The following LRFN3 variants were observed in gnomAD, a reference collection of about 807,000 sequenced individuals.
LRFN3 encodes leucine rich repeat and fibronectin type III domain containing 3.
In LRFN3, 8 loss-of-function variants were observed where a neutral mutation model predicts 23.8. That is an observed-to-expected ratio of 0.34 (90% CI 0.20 to 0.61). LRFN3 has a LOEUF of 0.61. LRFN3 is among the 20% of genes least tolerant of loss of function. The pLI is 0.80. For missense variants in LRFN3, 736 were observed against 935.3 expected (o/e 0.79, Z 2.78); for synonymous variants, 451 against 450.6 (o/e 1.00, Z -0.01).
At chr19:35,943,353 C>T (rs1054670267) in intron 2 of LRFN3, among the ~76,000 whole-genome samples, 2 of 152,146 alleles carry the variant, frequency 1.3e-5, no homozygotes, top group African/African-American at 4.8e-5. Flanking sequence ...AAAAAGAAAG[C>T]AGTAGTGACG....
rs935050195 is a variant in LRFN3, at chr19:35,939,100, C to G, written c.-16-310C>G. 1.9e-4 allele frequency among the ~76,000 whole-genome samples: 29 copies of G among 152,194 alleles called. No individual in the cohort carries two copies. Among genetic ancestry groups the G allele is most frequent in the Admixed American group, 1.9e-3 (29 of 15,272 alleles). On this transcript the variant is annotated intron_variant, in intron 1 of 2. Coordinates refer to ENST00000246529, the MANE Select transcript of LRFN3 (RefSeq NM_024509.2). This position sits in a 1 kb window ranked among gnomAD's most constrained non-coding sequence, Gnocchi z 6.4. ...TCAGTGTCCCATGTAGCTAGGACCA[C>G]AGGTGGGCGCCACCATGCCTAGCTA...
Position 35,939,754 on chromosome 19 carries a change from G to C in LRFN3, c.329G>C (p.Arg110Pro). The C allele has an allele frequency of 6.2e-7, 1 of 1,604,630 alleles. No individual in the cohort carries two copies. The highest frequency in any genetic ancestry group is 8.5e-7 in the Non-Finnish European group (1 of 1,179,276). The change falls in exon 2 of 3, where the codon CGT becomes CCT. Residue 110 changes from arginine (R) to proline (P), a missense_variant. Physicochemically the swap from Arg to Pro is moderately radical, Grantham distance 103 (BLOSUM62 -2). This residue lies in a region of LRFN3 where 446 missense variants were observed against 647.9 expected (regional missense o/e 0.69). Transcript: ENST00000246529. The surrounding 1 kb of genome is among the most constrained non-coding windows in gnomAD (Gnocchi z 6.4). ...AGAFADLRAL[R>P]ALHLDGNRLT... ...GCCTTCGCCGACCTGCGGGCCCTGC[G>C]TGCCCTGCACCTGGATGGCAACCGG...
intron 2 of LRFN3, among the ~76,000 whole-genome samples, chr19:35,943,824 G>A (rs955495263): frequency 4.6e-5 from 7 of 152,132 alleles, no homozygotes; most frequent in African/African-American, 9.7e-5. Context: ...AGGCTAGAGC[G>A]GAGCTGGGCT....
Position 35,940,800 on chromosome 19 carries a change from A to G in LRFN3, c.1375A>G (p.Ile459Val). 1.3e-6 allele frequency: 2 copies of G among 1,599,942 alleles called. No individual in the cohort carries two copies. The highest frequency in any genetic ancestry group is 2.2e-5 in the South Asian group (2 of 90,042). ...RPIPGIRMYQ[I>V]QYNSSADDIL... ...TATCCCGGGCATCCGCATGTACCAG[A>G]TCCAGTACAACAGCTCGGCTGATGA... is the stretch of plus-strand genomic sequence containing the variant. The change falls in exon 2 of 3, where the codon ATC becomes GTC. Residue 459 changes from isoleucine to valine, a missense_variant. Around this residue, in one of 2 missense-constraint regions of LRFN3, gnomAD observed 290 missense variants for 287.4 expected, o/e 1.01. Transcript: ENST00000246529.
At chr19:35,941,510 T>C (rs985622873) in intron 2 of LRFN3, among the ~76,000 whole-genome samples, 14 of 152,062 alleles carry the variant, frequency 9.2e-5, no homozygotes, top group African/African-American at 3.1e-4. Context: ...CGATAGAGAC[T>C]GGGCTTCGGT....
In LRFN3 at chr19:35,939,346, T is replaced by G; in HGVS notation, c.-16-64T>G. 1 of 1,486,368 alleles carries G rather than the reference T, an allele frequency of 6.7e-7. No individual in the cohort carries two copies. The highest frequency in any genetic ancestry group is 9.0e-7 in the Non-Finnish European group (1 of 1,111,638). 92.1% of individuals were successfully genotyped at this position (1,486,368 alleles called of 1,614,324 possible). Reference sequence around the variant, plus strand: ...CCCACTGTGACCTTCTCTCCTGGTCTCAGACCACCCCCAGCCCCTGCAGAA... The same window carrying G: ...CCCACTGTGACCTTCTCTCCTGGTCGCAGACCACCCCCAGCCCCTGCAGAA... On this transcript the variant is annotated intron_variant, in intron 1 of 2. Transcript: ENST00000246529. The surrounding 1 kb of genome is among the most constrained non-coding windows in gnomAD (Gnocchi z 6.4).
In LRFN3 at chr19:35,939,791, G is replaced by A. The variant is rs145720252; in HGVS notation, c.366G>A (p.Leu122=). Residue 122 remains leucine (L), a synonymous_variant, in exon 2 of 3, where the codon CTG becomes CTA. Coordinates refer to ENST00000246529, the MANE Select transcript of LRFN3 (RefSeq NM_024509.2). This position sits in a 1 kb window ranked among gnomAD's most constrained non-coding sequence, Gnocchi z 6.4. Reference sequence around the variant, plus strand: ...TGGATGGCAACCGGCTGACCTCACTGGGCGAGGGCCAGCTGCGCGGCCTGG... The same window carrying A: ...TGGATGGCAACCGGCTGACCTCACTAGGCGAGGGCCAGCTGCGCGGCCTGG... ...LHLDGNRLTS[L]GEGQLRGLVN... 117 of 1,603,996 alleles carry A rather than the reference G, an allele frequency of 7.3e-5. No individual in the cohort carries two copies. The highest frequency in any genetic ancestry group is 9.5e-5 in the Non-Finnish European group (112 of 1,179,734).
rs1234545331 is a variant in LRFN3, at chr19:35,944,618, G to A, written c.1486G>A (p.Val496Met). The A allele has an allele frequency of 1.3e-6, 2 of 1,554,480 alleles. No individual in the cohort carries two copies. The highest frequency in any genetic ancestry group is 1.7e-6 in the Non-Finnish European group (2 of 1,157,616). Reference protein sequence around the residue: ...LASGRTYDLCVLAVYEDSATG... With the variant: ...LASGRTYDLCMLAVYEDSATG... ...GTCAGGCCGGACCTACGATCTGTGCGTGCTCGCCGTGTATGAGGACAGCGC... is the reference window on the plus strand; with the variant it reads ...GTCAGGCCGGACCTACGATCTGTGCATGCTCGCCGTGTATGAGGACAGCGC... Residue 496 changes from valine (V) to methionine (M), a missense_variant, in exon 3 of 3, where the codon GTG (valine) becomes ATG (methionine). By Grantham distance (21) the Val-to-Met change is conservative (BLOSUM62 1). Coordinates refer to ENST00000246529, the MANE Select transcript of LRFN3 (RefSeq NM_024509.2). The surrounding 1 kb of genome is among the most constrained non-coding windows in gnomAD (Gnocchi z 4.5).
At position 35,940,022 on chromosome 19, in the gene LRFN3, T is replaced by C. The variant is rs2145300160; in HGVS notation, c.597T>C (p.Ala199=). The C allele has an allele frequency of 6.2e-7, 1 of 1,612,244 alleles. No individual in the cohort carries two copies. Among genetic ancestry groups the C allele is most frequent in the Non-Finnish European group, 8.5e-7 (1 of 1,179,784 alleles). The change falls in exon 2 of 3, where the codon GCT becomes GCC. Residue 199 remains alanine, a synonymous_variant. Transcript: ENST00000246529. ...TGCTGGCTTCTGTGCCCGCCGGCGC[T>C]TTTTCCCGCCTGCACAAGCTGGCCC... ...HNLLASVPAG[A]FSRLHKLARL... is the part of the protein sequence containing the mutation.
In LRFN3 at chr19:35,943,514, C is replaced by T. The variant is rs543134116; in HGVS notation, c.1416-1034C>T. Among the ~76,000 whole-genome samples the T allele has an allele frequency of 4.6e-5, 7 of 152,162 alleles. No individual in the cohort carries two copies. In the South Asian group the frequency reaches 1.5e-3, roughly 32 times the overall value. On this transcript the variant is annotated intron_variant, in intron 2 of 2. Transcript: ENST00000246529. The stretch of plus-strand genomic sequence containing the variant: ...TCGGGCAACAGGGGTACAGGGAGAT[C>T]AGGTGGTTTGATTGGAGAGAATCCT...
Position 35,944,669 on chromosome 19 carries a change from G to T in LRFN3, c.1537G>T (p.Val513Leu), listed in dbSNP as rs1334631011. Residue 513 changes from valine to leucine, a missense_variant, in exon 3 of 3, where the codon GTG becomes TTG. Val to Leu is a conservative substitution (Grantham distance 32). Transcript: ENST00000246529. The surrounding 1 kb of genome is among the most constrained non-coding windows in gnomAD (Gnocchi z 4.5). ...CACGGGGCTCACGGCCACGCGGCCT[G>T]TGGGCTGCGCCCGCTTCTCCACCGA... The part of the protein sequence containing the change: ...SATGLTATRP[V>L]GCARFSTEPA... 1 of 1,598,632 alleles carries T rather than the reference G, an allele frequency of 6.3e-7. No individual in the cohort carries two copies.
rs961082671 is a variant in LRFN3, at chr19:35,939,225, C to A, written c.-16-185C>A. ...AAGCCATCCTCCTGCCTCAGCCTCCCCAAATGCTGGGATTACATGTGTGAG... is the reference window on the plus strand; with the variant it reads ...AAGCCATCCTCCTGCCTCAGCCTCCACAAATGCTGGGATTACATGTGTGAG... On this transcript the variant is annotated intron_variant, in intron 1 of 2. Transcript: ENST00000246529. This position sits in a 1 kb window ranked among gnomAD's most constrained non-coding sequence, Gnocchi z 6.4. Among the ~76,000 whole-genome samples the A allele has an allele frequency of 6.6e-6, 1 of 152,214 alleles. No individual in the cohort carries two copies. Among genetic ancestry groups the A allele is most frequent in the Non-Finnish European group, 1.5e-5 (1 of 68,046 alleles).
rs763732968 is a variant in LRFN3 at position 35,945,032 on chromosome 19, C to G, written c.*13C>G. On this transcript the variant is annotated 3_prime_UTR_variant, in exon 3 of 3. Coordinates refer to ENST00000246529, the MANE Select transcript of LRFN3 (RefSeq NM_024509.2). The stretch of plus-strand genomic sequence containing the variant: ...TGTGGGACCCTAGCCAGGCGCCCCC[C>G]CCTCTAAGGGTCCTCTGGCCCCACG... 1.1e-5 allele frequency: 15 copies of G among 1,352,390 alleles called. No individual in the cohort carries two copies. Among genetic ancestry groups the G allele is most frequent in the Admixed American group, 3.8e-5 (1 of 26,288 alleles). 83.8% of individuals were successfully genotyped at this position (1,352,390 alleles called of 1,614,324 possible). A position where few individuals can be genotyped will look rare whatever the true frequency, so the allele number is the denominator to read the frequency against.
chr19:35,940,818 G>T lies in LRFN3; in HGVS notation c.1393G>T (p.Ala465Ser). The change falls in exon 2 of 3, where the codon GCT becomes TCT. Residue 465 changes from alanine (A) to serine (S), a missense_variant. Ala to Ser is a moderately conservative substitution (Grantham distance 99, BLOSUM62 1). This residue lies in a region of LRFN3 where 290 missense variants were observed against 287.4 expected (regional missense o/e 1.01). Coordinates refer to ENST00000246529, the MANE Select transcript of LRFN3 (RefSeq NM_024509.2). ...RMYQIQYNSS[A>S]DDILVYRMIP... is the part of the protein sequence containing the mutation. ...GTACCAGATCCAGTACAACAGCTCG[G>T]CTGATGACATCCTCGTCTACAGGTG... The T allele has an allele frequency of 5.1e-6, 8 of 1,581,326 alleles. No individual in the cohort carries two copies. The highest frequency in any genetic ancestry group is 6.9e-6 in the Non-Finnish European group (8 of 1,158,112).
intron 1 of LRFN3, among the ~76,000 whole-genome samples, chr19:35,937,976 C>G (rs535659514): frequency 2.0e-5 from 3 of 152,166 alleles, no homozygotes; most frequent in African/African-American, 7.2e-5. Context: ...TCGCCTCTGC[C>G]TGCTGCTTCT....
chr19:35,945,151 A>C lies in LRFN3; in HGVS notation c.*132A>C. The C allele has an allele frequency of 1.9e-6, 1 of 531,696 alleles. No individual in the cohort carries two copies. The highest frequency in any genetic ancestry group is 3.1e-6 in the Non-Finnish European group (1 of 322,792). The allele number at this position is 531,696 out of a possible 1,614,324, so 32.9% of individuals were successfully genotyped here. ...CTCTGATGGGGAGGGTGTCGGGGACACCGGGGCAAAACAAGAAAGTCCTAT... is the reference window on the plus strand; with the variant it reads ...CTCTGATGGGGAGGGTGTCGGGGACCCCGGGGCAAAACAAGAAAGTCCTAT... On this transcript the variant is annotated 3_prime_UTR_variant, in exon 3 of 3. Coordinates refer to ENST00000246529, the MANE Select transcript of LRFN3 (RefSeq NM_024509.2).
At chr19:35,942,731 G>A (rs1169723803) in intron 2 of LRFN3, among the ~76,000 whole-genome samples, 1 of 152,096 alleles carries the variant, frequency 6.6e-6, no homozygotes, top group Non-Finnish European at 1.5e-5. Context: ...TCCTGCCCCT[G>A]AAAATCACAC....
At position 35,944,010 on chromosome 19, in the gene LRFN3, C is replaced by A. The variant is rs1051887422; in HGVS notation, c.1416-538C>A. ...TTTGAGACCAGCCTGGGCAATATAG[C>A]AAGAGCCTGTCTCTACAAAAAATTT... On this transcript the variant is annotated intron_variant, in intron 2 of 2. Transcript: ENST00000246529. This position sits in a 1 kb window ranked among gnomAD's most constrained non-coding sequence, Gnocchi z 4.5. Among the ~76,000 whole-genome samples the A allele has an allele frequency of 2.0e-5, 3 of 152,126 alleles. No individual in the cohort carries two copies. The highest frequency in any genetic ancestry group is 4.4e-5 in the Non-Finnish European group (3 of 68,030).
chr19:35,940,847 G>C lies in LRFN3; in HGVS notation c.1415+7G>C. On this transcript the variant is annotated splice_region_variant and intron_variant, in intron 2 of 2. Transcript: ENST00000246529. Reference sequence around the variant, plus strand: ...ATGACATCCTCGTCTACAGGTGCAGGGTCCAGGCACTGGGGTAGCTTGGGT... The same window carrying C: ...ATGACATCCTCGTCTACAGGTGCAGCGTCCAGGCACTGGGGTAGCTTGGGT... 1 of 1,546,190 alleles carries C rather than the reference G, an allele frequency of 6.5e-7. No individual in the cohort carries two copies. Among genetic ancestry groups the C allele is most frequent in the African/African-American group, 1.4e-5 (1 of 73,920 alleles).
Sources: allele counts gnomAD v4.1 joint callset (sites outside exome capture counted in the v4.1 genomes callset), GRCh38; gene constraint gnomAD v4.1.1; regional missense constraint gnomAD v4.1.1; non-coding constraint Gnocchi (gnomAD v3.1); transcripts MANE v1.5; gene names NCBI Gene and HGNC (gene_info 2026-07-23, HGNC 2026-07-21).